The following ZBTB16 variants were observed in gnomAD, a reference collection of about 807,000 sequenced individuals.
ZBTB16 encodes zinc finger and BTB domain-containing protein 16.
ZBTB16 carries 8 observed loss-of-function variants against 56.8 expected under a neutral mutation model. The observed-to-expected ratio is 0.14, with a 90% CI of 0.08 to 0.25. The LOEUF is 0.25. Ranked by LOEUF, ZBTB16 falls within the 10% of genes least tolerant of loss-of-function variation. The pLI is 1.00. For synonymous variants in ZBTB16, 363 were observed against 368.5 expected, an observed-to-expected ratio of 0.98 and a Z score of 0.17; for missense variants, 625 against 903.0, an observed-to-expected ratio of 0.69 and a Z score of 3.95.
chr11:114,138,854 C>A (rs1316238874), intron 2 of ZBTB16, among the ~76,000 whole-genome samples: 2 of 151,974 alleles, frequency 1.3e-5, no homozygotes, highest in African/African-American at 4.8e-5. Context: ...CCATGCCCAG[C>A]TAATTTTTGT....
intron 2 of ZBTB16, among the ~76,000 whole-genome samples, chr11:114,087,042 G>A (rs1385328032): frequency 6.6e-6 from 1 of 152,106 alleles, no homozygotes; most frequent in Non-Finnish European, 1.5e-5. Context: ...AACTCCCTGG[G>A]ATCTGTGTTT....
intron 4 of ZBTB16, among the ~76,000 whole-genome samples, chr11:114,215,863 A>G (rs746423164): frequency 6.6e-6 from 1 of 152,210 alleles, no homozygotes; most frequent in Non-Finnish European, 1.5e-5. Flanking sequence ...TATTTGAGAA[A>G]GGTTGGCTGT....
In ZBTB16 at chr11:114,256,334, C is replaced by T. The variant is rs896477342; in HGVS notation, c.*5779C>T. Among the ~76,000 whole-genome samples the T allele has an allele frequency of 4.6e-5, 7 of 152,178 alleles. No homozygotes were observed. The highest frequency in any genetic ancestry group is 1.0e-4 in the Non-Finnish European group (7 of 68,038). On this transcript the variant is annotated 3_prime_UTR_variant, in exon 7 of 7. Transcript: ENST00000335953. Reference sequence around the variant, plus strand: ...CTGTTGTCGGCGCTGGGAATTACAGCAAAGGACAAACAGACAAACCCTGGC... The same window carrying T: ...CTGTTGTCGGCGCTGGGAATTACAGTAAAGGACAAACAGACAAACCCTGGC...
chr11:114,227,976 A>G (rs1341571359), intron 4 of ZBTB16, among the ~76,000 whole-genome samples: 1 of 152,144 alleles, frequency 6.6e-6, no homozygotes, highest in Non-Finnish European at 1.5e-5. Context: ...AACTCTTATC[A>G]TCCCGTAAAA....
chr11:114,119,756 C>A (rs1351463104), intron 2 of ZBTB16, among the ~76,000 whole-genome samples: 2 of 152,140 alleles, frequency 1.3e-5, no homozygotes, highest in Non-Finnish European at 2.9e-5. Context: ...TTTGTTAATC[C>A]TCACAATTTT....
intron 4 of ZBTB16, among the ~76,000 whole-genome samples, chr11:114,219,001 C>T (rs377588155): frequency 3.3e-5 from 5 of 152,254 alleles, no homozygotes; most frequent in East Asian, 3.9e-4. Context: ...TGGCACAAGG[C>T]GTAAAGTGAG....
intron 2 of ZBTB16, among the ~76,000 whole-genome samples, chr11:114,109,722 CAG>C (rs201902211): frequency 6.6e-6 from 1 of 152,074 alleles, no homozygotes; most frequent in Non-Finnish European, 1.5e-5. Context: ...GGATTGAACT[CAG>C]AGAGAGCTGT....
intron 4 of ZBTB16, among the ~76,000 whole-genome samples, chr11:114,205,262 T>G (rs2135115010): frequency 6.6e-6 from 1 of 151,934 alleles, no homozygotes; most frequent in Admixed American, 6.6e-5. Context: ...ACAAAAAAAT[T>G]AGCCGGGCGT....
At chr11:114,246,517 G>C (rs1354474851) in intron 5 of ZBTB16, among the ~76,000 whole-genome samples, 2 of 152,138 alleles carry the variant, frequency 1.3e-5, no homozygotes, top group Non-Finnish European at 2.9e-5. Context: ...TGCGAAAGTG[G>C]CATAAAAATG....
At chr11:114,102,610 G>T (rs1940653708) in intron 2 of ZBTB16, among the ~76,000 whole-genome samples, 1 of 147,850 alleles carries the variant, frequency 6.8e-6, no homozygotes, top group Admixed American at 6.8e-5. Flanking sequence ...GGAAATGCAT[G>T]GGCCTGTGTT....
intron 4 of ZBTB16, among the ~76,000 whole-genome samples, chr11:114,236,543 G>T (rs909085555): frequency 6.6e-6 from 1 of 152,224 alleles, no homozygotes. Flanking sequence ...GCCTCAGTGA[G>T]ATCCGCTGCC....
rs1944831034 is a variant in ZBTB16, at chr11:114,247,178, C to T, written c.1625-20C>T. ...GGGCAGGGAGAGGCAAAGGCCTGAT[C>T]CAGCCCCTTGTCTCCACAGGCGACC... On this transcript the variant is annotated intron_variant, in intron 5 of 6. Transcript: ENST00000335953. 6.2e-7 allele frequency: 1 copy of T among 1,614,236 alleles called. No individual in the cohort carries two copies. The highest frequency in any genetic ancestry group is 1.1e-5 in the South Asian group (1 of 91,090).
At chr11:114,165,299 C>T (rs1201957655) in intron 3 of ZBTB16, among the ~76,000 whole-genome samples, 2 of 152,210 alleles carry the variant, frequency 1.3e-5, no homozygotes, top group East Asian at 1.9e-4. Context: ...GGCTTGGCCC[C>T]TGCTTTTCCC....
intron 2 of ZBTB16, among the ~76,000 whole-genome samples, chr11:114,070,894 T>C (rs1939321832): frequency 6.6e-6 from 1 of 152,220 alleles, no homozygotes; most frequent in African/African-American, 2.4e-5. Flanking sequence ...CCTGGGCTCC[T>C]GGAAATCTGG....
At chr11:114,098,059 G>A (rs1940482198) in intron 2 of ZBTB16, among the ~76,000 whole-genome samples, 1 of 152,320 alleles carries the variant, frequency 6.6e-6, no homozygotes, top group South Asian at 2.1e-4. Context: ...GGTGGCAGAT[G>A]TAGCCAGAGA....
intron 3 of ZBTB16, among the ~76,000 whole-genome samples, chr11:114,163,959 GC>G (rs1277856276): frequency 8.5e-5 from 13 of 152,218 alleles, no homozygotes; most frequent in Non-Finnish European, 1.8e-4. Flanking sequence ...AGGCTTTAGA[GC>G]CCCCTCGTTG....
chr11:114,231,324 A>G lies in ZBTB16; in HGVS notation c.1454-10843A>G, dbSNP rs185532203. The stretch of plus-strand genomic sequence containing the variant: ...GGTCTGGTTCTCTGACTTGCTCTCT[A>G]TATGGGCTTTCTTGGGGGTCTTCTC... On this transcript the variant is annotated intron_variant, in intron 4 of 6. Transcript: ENST00000335953. Among the ~76,000 whole-genome samples the G allele has an allele frequency of 3.9e-5, 6 of 152,188 alleles. No individual in the cohort carries two copies. In the East Asian group the frequency reaches 1.2e-3, roughly 29 times the overall value.
chr11:114,133,545 C>T (rs895597987), intron 2 of ZBTB16, among the ~76,000 whole-genome samples: 5 of 152,212 alleles, frequency 3.3e-5, no homozygotes, highest in Admixed American at 6.5e-5. Flanking sequence ...GCTTGAGCTT[C>T]GGCTGAAGCC....
chr11:114,121,788 T>G, intron 2 of ZBTB16: 1 of 455,716 alleles, frequency 2.2e-6, no homozygotes, highest in Non-Finnish European at 4.4e-6. Context: ...TCACAGACAT[T>G]TCCAAATTCT....
Sources: allele counts gnomAD v4.1 joint callset (sites outside exome capture counted in the v4.1 genomes callset), GRCh38; gene constraint gnomAD v4.1.1; transcripts MANE v1.5; gene names NCBI Gene and HGNC (gene_info 2026-07-23, HGNC 2026-07-21).